CYP2A13: variants seen among roughly 807,000 people sequenced by gnomAD.
CYP2A13 encodes cytochrome P450 family 2 subfamily A member 13.
CYP2A13 carries 30 observed loss-of-function variants against 39.4 expected under a neutral mutation model. That is an observed-to-expected ratio of 0.76 (90% CI 0.57 to 1.03). CYP2A13 has a LOEUF of 1.03. Among genes scored for constraint, CYP2A13 ranks in the 50% least tolerant of loss-of-function variants. The pLI is 0.00. For missense variants in CYP2A13, 731 were observed against 648.4 expected (o/e 1.13, Z -1.38); for synonymous variants, 269 against 254.7 (o/e 1.06, Z -0.54).
rs201731003 is a variant in CYP2A13, at chr19:41,095,955, T to C, written c.*14T>C. On this transcript the variant is annotated 3_prime_UTR_variant, in exon 9 of 9. Coordinates refer to ENST00000330436, the MANE Select transcript of CYP2A13 (RefSeq NM_000766.5). ...CTGCCCCGCTGAGCGAGGGCTGTGC[T>C]GGTGCAGGGCTGGTGGGCGGGGCCA... The C allele has an allele frequency of 7.6e-4, 999 of 1,313,696 alleles. 13 individuals carry two copies. In the South Asian group the frequency reaches 8.4e-3, roughly 11 times the overall value. The allele number at this position is 1,313,696 out of a possible 1,614,324, so 81.4% of individuals were successfully genotyped here. A position where few individuals can be genotyped will look rare whatever the true frequency, so the allele number is the denominator to read the frequency against.
chr19:41,089,088 T>C lies in CYP2A13; in HGVS notation c.340T>C (p.Tyr114His). 1 of 1,612,190 alleles carries C rather than the reference T, an allele frequency of 6.2e-7. No homozygotes were observed. Among genetic ancestry groups the C allele is most frequent in the Non-Finnish European group, 8.5e-7 (1 of 1,179,718 alleles). Residue 114 changes from tyrosine to histidine, a missense_variant, in exon 2 of 9, where the codon TAT (tyrosine) becomes CAT (histidine). Physicochemically the swap from Tyr to His is moderately conservative, Grantham distance 83. Coordinates refer to ENST00000330436, the MANE Select transcript of CYP2A13 (RefSeq NM_000766.5). ...QATFDWLFKG[Y>H]GVAFSNGERA... Reference sequence around the variant, plus strand: ...CACCTTCGACTGGCTCTTCAAAGGCTATGGTGAGGGGGTGCCCAAGAGGGG... The same window carrying C: ...CACCTTCGACTGGCTCTTCAAAGGCCATGGTGAGGGGGTGCCCAAGAGGGG...
Position 41,089,025 on chromosome 19 carries a change from G to C in CYP2A13, c.277G>C (p.Asp93His), listed in dbSNP as rs141468200. ...GHDAVKEALV[D>H]QAEEFSGRGE... Reference sequence around the variant, plus strand: ...TGATGCCGTCAAGGAGGCTCTGGTGGACCAGGCTGAGGAGTTCAGCGGGCG... The same window carrying C: ...TGATGCCGTCAAGGAGGCTCTGGTGCACCAGGCTGAGGAGTTCAGCGGGCG... The change falls in exon 2 of 9, where the codon GAC becomes CAC. Residue 93 changes from aspartate (D) to histidine (H), a missense_variant. Physicochemically the swap from Asp to His is moderately conservative, Grantham distance 81. Coordinates refer to ENST00000330436, the MANE Select transcript of CYP2A13 (RefSeq NM_000766.5). 6.8e-6 allele frequency: 11 copies of C among 1,613,580 alleles called. No individual in the cohort carries two copies. Among genetic ancestry groups the C allele is most frequent in the Non-Finnish European group, 9.3e-6 (11 of 1,179,838 alleles).
At chr19:41,089,200 CT>C (rs2031112593) in intron 2 of CYP2A13, 109 bp downstream of exon 2, 2 of 1,538,572 alleles carry the variant, frequency 1.3e-6, no homozygotes, top group East Asian at 2.3e-5. Context: ...GCAGAGCCCC[CT>C]GTCTGGTCTT....
At chr19:41,094,908 A>G (rs2031268569) in intron 7 of CYP2A13, 51 bp from the exon 8 acceptor site, 1 of 1,603,924 alleles carries the variant, frequency 6.2e-7, no homozygotes, top group African/African-American at 1.3e-5. Context: ...GTGTACTTTC[A>G]CCAATCCCCC....
In CYP2A13 at chr19:41,093,724, C is replaced by T; in HGVS notation, c.926C>T (p.Thr309Ile). The T allele has an allele frequency of 6.2e-7, 1 of 1,614,048 alleles. No individual in the cohort carries two copies. The highest frequency in any genetic ancestry group is 1.7e-5 in the Admixed American group (1 of 60,012). Residue 309 changes from threonine to isoleucine, a missense_variant, in exon 6 of 9, where the codon ACC becomes ATC. By Grantham distance (89) the Thr-to-Ile change is moderately conservative. Transcript: ENST00000330436. The part of the protein sequence containing the change: ...FFAGTETVST[T>I]LRYGFLLLMK... ...GCGGGCACTGAGACCGTGAGCACCACCCTGCGCTACGGTTTCCTGCTGCTC... is the reference window on the plus strand; with the variant it reads ...GCGGGCACTGAGACCGTGAGCACCATCCTGCGCTACGGTTTCCTGCTGCTC...
rs753562096 is a variant in CYP2A13 at position 41,088,632 on chromosome 19, T to A, written c.161T>A (p.Met54Lys). Residue 54 changes from methionine (M) to lysine (K), a missense_variant, in exon 1 of 9, where the codon ATG (methionine) becomes AAG (lysine). Coordinates refer to ENST00000330436, the MANE Select transcript of CYP2A13 (RefSeq NM_000766.5). ...GNYLQLNTEQ[M>K]YNSLMKISER... ...TACCTGCAGCTGAACACAGAGCAGA[T>A]GTACAACTCCCTCATGAAGGTGTCC... is the stretch of plus-strand genomic sequence containing the variant. 6.2e-7 allele frequency: 1 copy of A among 1,613,832 alleles called. No individual in the cohort carries two copies. The highest frequency in any genetic ancestry group is 8.5e-7 in the Non-Finnish European group (1 of 1,179,822).
intron 2 of CYP2A13, 39 bp from the exon 3 acceptor site, chr19:41,090,008 C>A (rs545287361): frequency 1.3e-6 from 2 of 1,575,204 alleles, no homozygotes; most frequent in Non-Finnish European, 1.7e-6. Context: ...GCTCCCGCCG[C>A]CCCCTGACCT....
Position 41,095,946 on chromosome 19 carries a change from G to A in CYP2A13, c.*5G>A, listed in dbSNP as rs1289331642. The A allele has an allele frequency of 1.2e-6, 2 of 1,613,780 alleles. No homozygotes were observed. Among genetic ancestry groups the A allele is most frequent in the African/African-American group, 1.3e-5 (1 of 74,954 alleles). ...ATGAGCTTCCTGCCCCGCTGAGCGA[G>A]GGCTGTGCTGGTGCAGGGCTGGTGG... On this transcript the variant is annotated 3_prime_UTR_variant, in exon 9 of 9. Transcript: ENST00000330436.
Position 41,093,722 on chromosome 19 carries a change from C to G in CYP2A13, c.924C>G (p.Thr308=). 1.9e-6 allele frequency: 3 copies of G among 1,614,060 alleles called. No individual in the cohort carries two copies. The highest frequency in any genetic ancestry group is 2.5e-6 in the Non-Finnish European group (3 of 1,180,022). ...TTGCGGGCACTGAGACCGTGAGCAC[C>G]ACCCTGCGCTACGGTTTCCTGCTGC... is the stretch of plus-strand genomic sequence containing the variant. ...LFFAGTETVS[T]TLRYGFLLLM... is the part of the protein sequence containing the mutation. The change falls in exon 6 of 9, where the codon ACC becomes ACG. Residue 308 remains threonine, a synonymous_variant. Transcript: ENST00000330436.
At chr19:41,090,681 G>C (rs754264372) in intron 4 of CYP2A13, 117 bp downstream of exon 4, 3 of 1,506,142 alleles carry the variant, frequency 2.0e-6, no homozygotes, top group African/African-American at 2.8e-5. Context: ...CTCAAAATCA[G>C]TCCCCGATAT....
intron 6 of CYP2A13, 115 bp from the exon 7 acceptor site, chr19:41,094,130 G>C: frequency 6.8e-7 from 1 of 1,466,682 alleles, no homozygotes; most frequent in Admixed American, 2.4e-5. Context: ...TGTTATGAAT[G>C]GTCTACCTCC....
chr19:41,095,717 G>A (rs764804244), intron 8 of CYP2A13, 43 bp from the exon 9 acceptor site: 48 of 1,609,984 alleles, frequency 3.0e-5, no homozygotes, highest in East Asian at 2.2e-5. Context: ...AGGCTGCACT[G>A]AGAGTGGGCT....
intron 5 of CYP2A13, 83 bp from the exon 6 acceptor site, chr19:41,093,547 A>G: frequency 6.5e-7 from 1 of 1,549,720 alleles, no homozygotes; most frequent in Admixed American, 1.8e-5. Flanking sequence ...TGGACCAAAG[A>G]GAGGTAGCTC....
intron 2 of CYP2A13, among the ~76,000 whole-genome samples, 158 bp downstream of exon 2, chr19:41,089,249 C>T (rs1026932761): frequency 7.9e-5 from 12 of 152,156 alleles, no homozygotes; most frequent in East Asian, 1.9e-4. Flanking sequence ...TCTCCCTGTG[C>T]GTCCCTCACC....
At chr19:41,091,092 C>T (rs2031179458) in intron 4 of CYP2A13, among the ~76,000 whole-genome samples, 2 of 152,302 alleles carry the variant, frequency 1.3e-5, no homozygotes, top group Non-Finnish European at 2.9e-5. Flanking sequence ...GTGCCCTAAC[C>T]AATACCCTAA....
Position 41,090,126 on chromosome 19 carries a change from C to T in CYP2A13, c.423C>T (p.Gly141=). The T allele has an allele frequency of 6.2e-7, 1 of 1,606,558 alleles. No individual in the cohort carries two copies. The highest frequency in any genetic ancestry group is 1.1e-5 in the South Asian group (1 of 89,980). ...SIATLRGFGV[G]KRGIEERIQE... is the part of the protein sequence containing the mutation. ...CCACCCTAAGGGGTTTTGGCGTGGG[C>T]AAGCGCGGCATCGAGGAACGCATCC... The change falls in exon 3 of 9, where the codon GGC becomes GGT. Residue 141 remains glycine, a synonymous_variant. Coordinates refer to ENST00000330436, the MANE Select transcript of CYP2A13 (RefSeq NM_000766.5).
intron 5 of CYP2A13, among the ~76,000 whole-genome samples, chr19:41,092,309 C>T (rs535868667): frequency 9.1e-5 from 9 of 98,564 alleles, no homozygotes; most frequent in African/African-American, 4.1e-4. Flanking sequence ...GAGCAAGACC[C>T]TGTAAAAAAA....
At position 41,095,447 on chromosome 19, in the gene CYP2A13, A is replaced by G. The variant is rs2031283642; in HGVS notation, c.1304-313A>G. On this transcript the variant is annotated intron_variant, in intron 8 of 8. Transcript: ENST00000330436. ...TAAACCTCCCATTGCTACACCTGGC[A>G]TGGATCACCCCATCTATGATGGAGG... Among the ~76,000 whole-genome samples the G allele has an allele frequency of 2.0e-5, 3 of 152,184 alleles. No homozygotes were observed. In the South Asian group the frequency reaches 6.2e-4, roughly 31 times the overall value.
intron 2 of CYP2A13, among the ~76,000 whole-genome samples, chr19:41,089,604 G>A (rs1474980750): frequency 1.3e-5 from 2 of 151,578 alleles, no homozygotes; most frequent in Non-Finnish European, 2.9e-5. Context: ...CTCTTCTCCA[G>A]TTCAGCTTAA....
Sources: allele counts gnomAD v4.1 joint callset (sites outside exome capture counted in the v4.1 genomes callset), GRCh38; gene constraint gnomAD v4.1.1; transcripts MANE v1.5; gene names NCBI Gene and HGNC (gene_info 2026-07-23, HGNC 2026-07-21).